PLCG2: variants seen among roughly 807,000 people sequenced by gnomAD.
PLCG2 encodes the protein 1-phosphatidylinositol 4,5-bisphosphate phosphodiesterase gamma-2.
Under a neutral mutation model 175.6 loss-of-function variants are expected in PLCG2, and 69 were observed. The ratio of observed to expected loss-of-function variants is 0.39; its 90% CI spans 0.32 to 0.48. PLCG2 has a LOEUF of 0.48. PLCG2 is among the 20% of genes least tolerant of loss of function. The probability of loss-of-function intolerance (pLI) is 0.91; values close to 1 mark genes in which losing one functional copy is unlikely to be tolerated. For synonymous variants in PLCG2, 827 were observed against 624.0 expected, an observed-to-expected ratio of 1.33 and a Z score of -4.85; for missense variants, 1,798 against 1,650.9, an observed-to-expected ratio of 1.09 and a Z score of -1.54.
chr16:81,916,261 T>C (rs1484948452), intron 19 of PLCG2, among the ~76,000 whole-genome samples: 1 of 151,340 alleles, frequency 6.6e-6, no homozygotes, highest in Admixed American at 6.6e-5. Context: ...AATATATTTT[T>C]TTTTTCAAAA....
intron 2 of PLCG2, among the ~76,000 whole-genome samples, chr16:81,804,871 T>C (rs1298442772): frequency 6.6e-6 from 1 of 152,208 alleles, no homozygotes; most frequent in Non-Finnish European, 1.5e-5. Flanking sequence ...TTGGGAGCAG[T>C]ATTGAGCATC....
At chr16:81,788,956 G>A (rs1389887228) in intron 2 of PLCG2, among the ~76,000 whole-genome samples, 1 of 152,166 alleles carries the variant, frequency 6.6e-6, no homozygotes, top group East Asian at 1.9e-4. Flanking sequence ...CGTTGAGACT[G>A]GACTGCAGGT....
At chr16:81,853,488 G>A (rs950738280) in intron 2 of PLCG2, among the ~76,000 whole-genome samples, 3 of 152,164 alleles carry the variant, frequency 2.0e-5, no homozygotes, top group African/African-American at 7.2e-5. Flanking sequence ...TGGGGGGATT[G>A]CTTTAGGATA....
intron 2 of PLCG2, among the ~76,000 whole-genome samples, chr16:81,803,566 C>T (rs2143258940): frequency 6.9e-6 from 1 of 145,498 alleles, no homozygotes; most frequent in African/African-American, 2.5e-5. Flanking sequence ...TCCTTCCTTT[C>T]CTTTCCTTTC....
At chr16:81,851,739 C>G (rs912376908) in intron 2 of PLCG2, among the ~76,000 whole-genome samples, 4 of 152,364 alleles carry the variant, frequency 2.6e-5, no homozygotes, top group African/African-American at 9.6e-5. Context: ...TCTCGAATTC[C>G]TGACCTCAAG....
In PLCG2 at chr16:81,939,958, C is replaced by G. The variant is rs369259797; in HGVS notation, c.3380C>G (p.Pro1127Arg). The change falls in exon 30 of 33, where the codon CCA (proline) becomes CGA (arginine). Residue 1127 changes from proline to arginine, a missense_variant. Pro to Arg is a moderately radical substitution (Grantham distance 103). Transcript: ENST00000564138. Reference protein sequence around the residue: ...QEKVTFEIYDPNLAFLRFVVY... With the variant: ...QEKVTFEIYDRNLAFLRFVVY... ...AAGGTGACATTTGAAATTTATGACC[C>G]AAACCTGGCATTTCTGCGCTTTGTG... The G allele has an allele frequency of 1.5e-5, 24 of 1,613,708 alleles. No homozygotes were observed. The highest frequency in any genetic ancestry group is 1.9e-5 in the Non-Finnish European group (22 of 1,179,712).
intron 9 of PLCG2, among the ~76,000 whole-genome samples, chr16:81,883,905 G>A (rs758111897): frequency 6.6e-6 from 1 of 152,216 alleles, no homozygotes; most frequent in Non-Finnish European, 1.5e-5. Context: ...CCACTGCTGT[G>A]ACGATGCCCC....
chr16:81,772,414 C>G (rs945041860), intron 2 of PLCG2, among the ~76,000 whole-genome samples: 1 of 152,098 alleles, frequency 6.6e-6, no homozygotes. Flanking sequence ...TGATATATCT[C>G]TATTTTTTTT....
chr16:81,926,857 G>C (rs1910294993), intron 22 of PLCG2, among the ~76,000 whole-genome samples: 2 of 152,214 alleles, frequency 1.3e-5, no homozygotes. Flanking sequence ...TTAAGATCAT[G>C]TGATGGGGGT....
At chr16:81,877,163 A>G (rs574886343) in intron 7 of PLCG2, among the ~76,000 whole-genome samples, 1 of 152,298 alleles carries the variant, frequency 6.6e-6, no homozygotes, top group South Asian at 2.1e-4. Flanking sequence ...TGGCTTAAAA[A>G]TAACAGAAGT....
chr16:81,859,158 A>G lies in PLCG2; in HGVS notation c.474A>G (p.Arg158=), dbSNP rs1323043953. The G allele has an allele frequency of 1.9e-6, 3 of 1,590,678 alleles. No individual in the cohort carries two copies. The highest frequency in any genetic ancestry group is 3.3e-5 in the Admixed American group (2 of 59,956). Residue 158 remains arginine (R), a synonymous_variant, in exon 5 of 33, where the codon AGA becomes AGG. Transcript: ENST00000564138. ...TATATTCTGTGGATCAAACCAGAAG[A>G]AACAGGTAAGAGTCATTCAGTTTTT... is the stretch of plus-strand genomic sequence containing the variant. ...KQIYSVDQTR[R]NSISLRELKT...
At chr16:81,829,540 A>G (rs1905178227) in intron 2 of PLCG2, among the ~76,000 whole-genome samples, 1 of 152,222 alleles carries the variant, frequency 6.6e-6, no homozygotes, top group Non-Finnish European at 1.5e-5. Context: ...TTATATTGCC[A>G]TGATACCTTT....
chr16:81,928,469 ATC>A (rs1910368557), intron 23 of PLCG2, 87 bp from the exon 24 acceptor site: 2 of 826,228 alleles, frequency 2.4e-6, no homozygotes, highest in Non-Finnish European at 2.2e-6. Context: ...CACAGGCAGT[ATC>A]TCTGCTAAAC....
intron 14 of PLCG2, 56 bp downstream of exon 14, chr16:81,900,836 C>T: frequency 6.6e-7 from 1 of 1,517,440 alleles, no homozygotes; most frequent in Non-Finnish European, 9.0e-7. Context: ...GCTCGGTTCC[C>T]CGGCTCTGGG....
intron 2 of PLCG2, among the ~76,000 whole-genome samples, chr16:81,845,740 A>T (rs1906082002): frequency 6.6e-6 from 1 of 152,218 alleles, no homozygotes; most frequent in Non-Finnish European, 1.5e-5. Context: ...ATTCACCAAG[A>T]TGCCCCTGCC....
At chr16:81,796,307 C>G (rs1412507980) in intron 2 of PLCG2, among the ~76,000 whole-genome samples, 1 of 152,252 alleles carries the variant, frequency 6.6e-6, no homozygotes. Context: ...ACATCAGTGA[C>G]AGCTTTGGTT....
intron 2 of PLCG2, among the ~76,000 whole-genome samples, chr16:81,796,851 A>T (rs1387779000): frequency 6.6e-6 from 1 of 152,156 alleles, no homozygotes; most frequent in African/African-American, 2.4e-5. Context: ...TGTGAGACAA[A>T]CTTCTGTTGT....
intron 5 of PLCG2, among the ~76,000 whole-genome samples, chr16:81,859,830 C>A (rs1906879145): frequency 6.6e-6 from 1 of 152,128 alleles, no homozygotes; most frequent in African/African-American, 2.4e-5. Context: ...GCCACCGCGC[C>A]CGGCCACCAG....
Position 81,762,613 on chromosome 16 carries a change from A to G in PLCG2, c.-48+6647A>G, listed in dbSNP as rs935921637. On this transcript the variant is annotated intron_variant, in intron 2 of 5. Coordinates refer to the PLCG2 transcript ENST00000565054. ...AAAATTGTCTGTATTTTCCTTTAACATAAGGAACAGAGTCCTATAGATGAA... is the reference window on the plus strand; with the variant it reads ...AAAATTGTCTGTATTTTCCTTTAACGTAAGGAACAGAGTCCTATAGATGAA... Among the ~76,000 whole-genome samples, 3 of 152,118 alleles carry G rather than the reference A, an allele frequency of 2.0e-5. No homozygotes were observed. In the East Asian group the frequency reaches 5.8e-4, roughly 29 times the overall value.
Sources: allele counts gnomAD v4.1 joint callset (sites outside exome capture counted in the v4.1 genomes callset), GRCh38; gene constraint gnomAD v4.1.1; transcripts MANE v1.5; gene names NCBI Gene and HGNC (gene_info 2026-07-23, HGNC 2026-07-21).